Variants in CFTR observed in about 807,000 individuals in gnomAD.
CFTR encodes CF transmembrane conductance regulator.
A neutral mutation model predicts 171.6 loss-of-function variants in CFTR; 181 were observed. The observed-to-expected ratio is 1.05, with a 90% CI of 0.93 to 1.19. The LOEUF (loss-of-function observed/expected upper bound fraction) is 1.19. CFTR is among the 50% of genes most tolerant of loss of function. The probability of loss-of-function intolerance (pLI) is 0.00; values close to 1 mark genes in which losing one functional copy is unlikely to be tolerated. For synonymous variants in CFTR, 583 were observed against 608.0 expected, an observed-to-expected ratio of 0.96 and a Z score of 0.60; for missense variants, 1,968 against 1,734.7, an observed-to-expected ratio of 1.13 and a Z score of -2.39.
intron 23 of CFTR, among the ~76,000 whole-genome samples, chr7:117,643,787 T>C (rs1792955345): frequency 6.6e-6 from 1 of 152,182 alleles, no homozygotes; most frequent in Non-Finnish European, 1.5e-5. Context: ...CTAAGTCTTG[T>C]GGTCCCATTT....
chr7:117,607,836 T>G (rs1792324721), intron 18 of CFTR, among the ~76,000 whole-genome samples: 1 of 152,200 alleles, frequency 6.6e-6, no homozygotes, highest in Non-Finnish European at 1.5e-5. Context: ...TTGGATATCC[T>G]TCAGTTGTTC....
Position 117,542,072 on chromosome 7 carries a change from A to G in CFTR, c.1173A>G (p.Glu391=). 2 of 1,603,044 alleles carry G rather than the reference A, an allele frequency of 1.2e-6. No individual in the cohort carries two copies. The highest frequency in any genetic ancestry group is 1.7e-6 in the Non-Finnish European group (2 of 1,170,022). The change falls in exon 9 of 27, where the codon GAA becomes GAG. Residue 391 remains glutamate, a synonymous_variant. Coordinates refer to ENST00000003084, the MANE Select transcript of CFTR (RefSeq NM_000492.4). ...TGGAATATAACTTAACGACTACAGAAGTAGTGATGGAGAATGTAACAGCCT... is the reference window on the plus strand; with the variant it reads ...TGGAATATAACTTAACGACTACAGAGGTAGTGATGGAGAATGTAACAGCCT... The part of the protein sequence containing the change: ...KTLEYNLTTT[E]VVMENVTAFW...
At chr7:117,613,504 G>A (rs1316972389) in intron 20 of CFTR, among the ~76,000 whole-genome samples, 1 of 151,982 alleles carries the variant, frequency 6.6e-6, no homozygotes, top group Non-Finnish European at 1.5e-5. Flanking sequence ...ATAGGTGTGG[G>A]GTGAATAGTA....
At chr7:117,656,268 A>G (rs1446529092) in intron 24 of CFTR, among the ~76,000 whole-genome samples, 2 of 152,148 alleles carry the variant, frequency 1.3e-5, no homozygotes, top group African/African-American at 4.8e-5. Context: ...TTGACTTGAT[A>G]TACTTCTCTG....
At chr7:117,638,921 G>A (rs980380975) in intron 22 of CFTR, among the ~76,000 whole-genome samples, 2 of 152,102 alleles carry the variant, frequency 1.3e-5, no homozygotes, top group South Asian at 4.2e-4. Context: ...GAATTAAGAA[G>A]TCAACTCAAA....
At chr7:117,486,886 G>T (rs1798082990) in intron 1 of CFTR, among the ~76,000 whole-genome samples, 1 of 135,686 alleles carries the variant, frequency 7.4e-6, no homozygotes, top group Non-Finnish European at 1.6e-5. Context: ...GGGTGGGGGG[G>T]AGGGGGCGGG....
intron 11 of CFTR, among the ~76,000 whole-genome samples, chr7:117,560,130 T>C (rs114403882): frequency 0.016 from 2,507 of 152,174 alleles, 59 homozygotes; most frequent in African/African-American, 0.056. Flanking sequence ...AGGGGTAAAA[T>C]TGTGAAGATA....
At chr7:117,495,305 G>A (rs984249103) in intron 1 of CFTR, among the ~76,000 whole-genome samples, 1 of 152,088 alleles carries the variant, frequency 6.6e-6, no homozygotes, top group African/African-American at 2.4e-5. Flanking sequence ...TCCTGGAAAG[G>A]CACTCTGAGG....
intron 9 of CFTR, among the ~76,000 whole-genome samples, chr7:117,544,084 T>C (rs1799099876): frequency 6.6e-6 from 1 of 152,216 alleles, no homozygotes; most frequent in South Asian, 2.1e-4. Context: ...TTCTTCCTTT[T>C]GAACTCCTCC....
chr7:117,523,789 A>G (rs1250562953), intron 3 of CFTR, among the ~76,000 whole-genome samples: 1 of 152,234 alleles, frequency 6.6e-6, no homozygotes, highest in Admixed American at 6.5e-5. Context: ...CTGTTGTGGT[A>G]GGGAAAAGTC....
rs1793394598 is a variant in CFTR at position 117,667,033 on chromosome 7, C to G, written c.4368C>G (p.Ser1456Arg). Residue 1456 changes from serine to arginine, a missense_variant, in exon 27 of 27, where the codon AGC becomes AGG. Transcript: ENST00000003084. ...AGCTCTTTCCCCACCGGAACTCAAG[C>G]AAGTGCAAGTCTAAGCCCCAGATTG... ...RVKLFPHRNS[S>R]KCKSKPQIAA... 6.2e-7 allele frequency: 1 copy of G among 1,614,054 alleles called. No individual in the cohort carries two copies. Among genetic ancestry groups the G allele is most frequent in the Non-Finnish European group, 8.5e-7 (1 of 1,179,978 alleles).
chr7:117,611,717 C>G lies in CFTR; in HGVS notation c.3276C>G (p.Tyr1092Ter), dbSNP rs121908761. Residue 1092 changes from tyrosine to a stop codon, truncating the protein, a stop_gained, in exon 20 of 27, where the codon TAC becomes TAG. Transcript: ENST00000003084. LOFTEE classifies it high-confidence loss of function. ...TACATACTGCCAACTGGTTCTTGTA[C>G]CTGTCAACACTGCGCTGGTTCCAAA... ...LNLHTANWFL[Y>*]LSTLRWFQMR... 6.2e-7 allele frequency: 1 copy of G among 1,613,508 alleles called. No individual in the cohort carries two copies.
intron 11 of CFTR, among the ~76,000 whole-genome samples, chr7:117,562,480 A>G (rs1423731895): frequency 6.6e-6 from 1 of 152,222 alleles, no homozygotes; most frequent in Admixed American, 6.5e-5. Context: ...AGAAAACAGC[A>G]TAAGATCCTG....
chr7:117,592,052 A>G lies in CFTR; in HGVS notation c.1885A>G (p.Thr629Ala), dbSNP rs1246322557. ...TGAAGGTAGCAGCTATTTTTATGGG[A>G]CATTTTCAGAACTCCAAAATCTACA... ...LHEGSSYFYGTFSELQNLQPD... is the reference protein window; with the variant it reads ...LHEGSSYFYGAFSELQNLQPD... Residue 629 changes from threonine (T) to alanine (A), a missense_variant, in exon 14 of 27, where the codon ACA (threonine) becomes GCA (alanine). Transcript: ENST00000003084. 6.2e-7 allele frequency: 1 copy of G among 1,606,974 alleles called. No individual in the cohort carries two copies. The highest frequency in any genetic ancestry group is 1.7e-5 in the Admixed American group (1 of 58,756).
intron 24 of CFTR, among the ~76,000 whole-genome samples, chr7:117,663,707 A>G (rs986964246): frequency 3.9e-5 from 6 of 152,116 alleles, no homozygotes; most frequent in African/African-American, 7.2e-5. Flanking sequence ...CTCATTCTAT[A>G]TTACAGTCAG....
chr7:117,586,774 C>CT (rs3216281), intron 11 of CFTR, among the ~76,000 whole-genome samples: 118 of 142,870 alleles, frequency 8.3e-4, no homozygotes, highest in Admixed American at 1.1e-3. Context: ...GGGAGAGAGA[C>CT]TTTTTTTTTT....
intron 3 of CFTR, among the ~76,000 whole-genome samples, chr7:117,511,996 A>G (rs1798527126): frequency 6.6e-6 from 1 of 152,208 alleles, no homozygotes. Flanking sequence ...AGGATAAATG[A>G]GCCAGGGATT....
At chr7:117,536,816 C>A in intron 7 of CFTR, 143 bp downstream of exon 7, 1 of 728,236 alleles carries the variant, frequency 1.4e-6, no homozygotes, top group Non-Finnish European at 2.3e-6. Context: ...AATATTCATG[C>A]ATTAGTTGCA....
chr7:117,558,553 CTAAATAAATAAA>C (rs10655920), intron 10 of CFTR, among the ~76,000 whole-genome samples: 212 of 145,292 alleles, frequency 1.5e-3, no homozygotes, highest in Middle Eastern at 3.4e-3. Flanking sequence ...GACTCTGTCT[CTAAATAAATAAA>C]TAAATAAATA....
Sources: gnomAD v4.1 joint callset for allele counts (sites outside exome capture counted in the v4.1 genomes callset) on GRCh38, gnomAD v4.1.1 for gene constraint, MANE v1.5 for transcripts, NCBI Gene and HGNC (gene_info 2026-07-23, HGNC 2026-07-21) for gene names.